KIRREL3: variants seen among roughly 807,000 people sequenced by gnomAD.
KIRREL3 encodes the protein kirre like nephrin family adhesion molecule 3.
Under a neutral mutation model 89.7 loss-of-function variants are expected in KIRREL3, and 36 were observed. The observed-to-expected ratio is 0.40, with a 90% CI of 0.31 to 0.53. KIRREL3 has a LOEUF of 0.53. Ranked by LOEUF, KIRREL3 falls within the 20% of genes least tolerant of loss-of-function variation. The probability of loss-of-function intolerance (pLI) is 0.49; values close to 1 mark genes in which losing one functional copy is unlikely to be tolerated. For synonymous variants in KIRREL3, 445 were observed against 441.4 expected, an observed-to-expected ratio of 1.01 and a Z score of -0.10; for missense variants, 864 against 1,056.6, an observed-to-expected ratio of 0.82 and a Z score of 2.53.
intron 1 of KIRREL3, among the ~76,000 whole-genome samples, chr11:126,789,288 C>T (rs1186414773): frequency 6.6e-6 from 1 of 152,152 alleles, no homozygotes; most frequent in Non-Finnish European, 1.5e-5. Flanking sequence ...TCTCCTTCGC[C>T]TTCTCAAGGA....
chr11:126,765,709 C>A (rs553482458), intron 1 of KIRREL3, among the ~76,000 whole-genome samples: 1 of 152,266 alleles, frequency 6.6e-6, no homozygotes, highest in African/African-American at 2.4e-5. Flanking sequence ...GGGGAAGCAA[C>A]CCCGCAACAA....
chr11:126,802,070 A>C lies in KIRREL3; in HGVS notation c.55+198385T>G, dbSNP rs571667572. ...ATTCCATAGGCAAATGATGCTGCCAAACAGTCATTTGTGGCTGTGAGGAAG... is the reference window on the plus strand; with the variant it reads ...ATTCCATAGGCAAATGATGCTGCCACACAGTCATTTGTGGCTGTGAGGAAG... On this transcript the variant is annotated intron_variant, in intron 1 of 16. Coordinates refer to ENST00000525144, the MANE Select transcript of KIRREL3 (RefSeq NM_032531.4). The surrounding 1 kb of genome is among the most constrained non-coding windows in gnomAD (Gnocchi z 5.2). 6.6e-6 allele frequency among the ~76,000 whole-genome samples: 1 copy of C among 152,310 alleles called. No individual in the cohort carries two copies. Among genetic ancestry groups the C allele is most frequent in the East Asian group, 1.9e-4 (1 of 5,170 alleles).
At chr11:126,426,326 A>G (rs1385640943) in intron 15 of KIRREL3, among the ~76,000 whole-genome samples, 2 of 152,204 alleles carry the variant, frequency 1.3e-5, no homozygotes, top group African/African-American at 4.8e-5. Context: ...TTCCTTAGAG[A>G]TGCCAAACAG....
At chr11:126,833,874 T>A (rs1031576808) in intron 1 of KIRREL3, among the ~76,000 whole-genome samples, 1 of 152,220 alleles carries the variant, frequency 6.6e-6, no homozygotes, top group African/African-American at 2.4e-5. Context: ...TCCAGATTTA[T>A]GAGGGAGAAT....
Position 126,605,308 on chromosome 11 carries a change from C to A in KIRREL3, c.56-42396G>T, listed in dbSNP as rs1161272283. Among the ~76,000 whole-genome samples, 1 of 152,168 alleles carries A rather than the reference C, an allele frequency of 6.6e-6. No homozygotes were observed. The highest frequency in any genetic ancestry group is 1.5e-5 in the Non-Finnish European group (1 of 68,036). On this transcript the variant is annotated intron_variant, in intron 1 of 16. Coordinates refer to ENST00000525144, the MANE Select transcript of KIRREL3 (RefSeq NM_032531.4). This position sits in a 1 kb window ranked among gnomAD's most constrained non-coding sequence, Gnocchi z 5.7. ...ATGTGCTGCACTTAATGTAGAGGAT[C>A]AGGGTCCCAGTGAGCAGCTTCATCT...
chr11:126,517,669 G>C (rs1302539623), intron 4 of KIRREL3, among the ~76,000 whole-genome samples: 1 of 152,196 alleles, frequency 6.6e-6, no homozygotes, highest in East Asian at 1.9e-4. Flanking sequence ...CGCCAATCTT[G>C]GTTCCAGGGA....
intron 1 of KIRREL3, among the ~76,000 whole-genome samples, chr11:126,753,911 T>C (rs1212157058): frequency 1.3e-5 from 2 of 152,202 alleles, no homozygotes; most frequent in Admixed American, 6.5e-5. Flanking sequence ...TTAATAAATA[T>C]GTATGCTGCC....
chr11:126,756,756 C>G (rs1411175525), intron 1 of KIRREL3, among the ~76,000 whole-genome samples: 2 of 152,232 alleles, frequency 1.3e-5, no homozygotes, highest in Admixed American at 6.5e-5. Flanking sequence ...TCCCAATGTG[C>G]CAGCACAGCT....
chr11:126,593,617 A>C (rs575847068), intron 1 of KIRREL3, among the ~76,000 whole-genome samples: 1 of 152,338 alleles, frequency 6.6e-6, no homozygotes, highest in South Asian at 2.1e-4. Context: ...GTTGCCCTGT[A>C]TGCATGAGAC....
intron 1 of KIRREL3, among the ~76,000 whole-genome samples, chr11:126,680,983 T>C (rs1010397039): frequency 2.0e-5 from 3 of 152,184 alleles, no homozygotes; most frequent in Admixed American, 6.5e-5. Context: ...TTTGCAAGGC[T>C]GAGAAATAAT....
intron 1 of KIRREL3, among the ~76,000 whole-genome samples, chr11:126,675,996 C>A (rs1343797754): frequency 6.6e-6 from 1 of 152,086 alleles, no homozygotes; most frequent in East Asian, 1.9e-4. Context: ...GTTTGAGAAG[C>A]TGGATGGATG....
chr11:126,798,800 C>T (rs1235630879), intron 1 of KIRREL3, among the ~76,000 whole-genome samples: 2 of 152,136 alleles, frequency 1.3e-5, no homozygotes, highest in Non-Finnish European at 2.9e-5. Flanking sequence ...ACTGAGGAGG[C>T]AAAATGCTAT....
Position 126,645,711 on chromosome 11 carries a change from C to T in KIRREL3, c.56-82799G>A, listed in dbSNP as rs1367420407. Among the ~76,000 whole-genome samples the T allele has an allele frequency of 3.3e-5, 5 of 152,188 alleles. No individual in the cohort carries two copies. Among genetic ancestry groups the T allele is most frequent in the Admixed American group, 6.5e-5 (1 of 15,278 alleles). ...CAGCTCTTCAGGGAACATTTCCCTG[C>T]CTCCCATTCTCCCTCGTTGTACTGA... On this transcript the variant is annotated intron_variant, in intron 1 of 16. Transcript: ENST00000525144. This position sits in a 1 kb window ranked among gnomAD's most constrained non-coding sequence, Gnocchi z 4.9.
At position 126,510,426 on chromosome 11, in the gene KIRREL3, TTCCTTC is replaced by T. The variant is rs1958180614; in HGVS notation, c.433+10883_433+10888del. Among the ~76,000 whole-genome samples, 4 of 48,824 alleles carry T rather than the reference TTCCTTC, an allele frequency of 8.2e-5. No homozygotes were observed. The East Asian group carries it at 5.9e-3, about 72-fold the overall frequency. 32.0% of individuals were successfully genotyped at this position (48,824 alleles called of 152,430 possible). The stretch of plus-strand genomic sequence containing the variant: ...AAATGTCCTCCCTGACGTTGTTTCC[TTCCTTC>T]CTTCCTTCCTTCCTTCCTTCCTTCC... On this transcript the variant is annotated intron_variant, in intron 4 of 16. Transcript: ENST00000525144.
chr11:126,425,837 C>T lies in KIRREL3; in HGVS notation c.1807-113G>A, dbSNP rs1456433379. ...GATTGCCCTGTATAACCCCCACCAC[C>T]CCTCACTGCCTGGACCATGTGAAAG... On this transcript the variant is annotated intron_variant, in intron 15 of 16. Transcript: ENST00000525144. 5 of 765,960 alleles carry T rather than the reference C, an allele frequency of 6.5e-6. No individual in the cohort carries two copies. The East Asian group carries it at 8.1e-5, about 12-fold the overall frequency. 47.4% of individuals were successfully genotyped at this position (765,960 alleles called of 1,614,324 possible). A position where few individuals can be genotyped will look rare whatever the true frequency, so the allele number is the denominator to read the frequency against.
At position 126,436,815 on chromosome 11, in the gene KIRREL3, C is replaced by T; in HGVS notation, c.1548G>A (p.Glu516=). Residue 516 remains glutamate, a synonymous_variant, in exon 12 of 17, where the codon GAG becomes GAA. Transcript: ENST00000525144. Reference sequence around the variant, plus strand: ...CATGGCCCTGGCAGCTCTCACCTTGCTCCTTGAGCCGGATGATCTCAGTGT... The same window carrying T: ...CATGGCCCTGGCAGCTCTCACCTTGTTCCTTGAGCCGGATGATCTCAGTGT... ...GSDTEIIRLK[E]QGSEMKSGAG... 1 of 1,613,524 alleles carries T rather than the reference C, an allele frequency of 6.2e-7. No homozygotes were observed. The highest frequency in any genetic ancestry group is 8.5e-7 in the Non-Finnish European group (1 of 1,179,868).
chr11:126,914,779 G>A (rs578026460), intron 1 of KIRREL3, among the ~76,000 whole-genome samples: 1 of 152,344 alleles, frequency 6.6e-6, no homozygotes, highest in South Asian at 2.1e-4. Context: ...ATTATGCAGA[G>A]CAAGTAACAC....
chr11:126,523,876 TC>T lies in KIRREL3; in HGVS notation c.284-2413del, dbSNP rs1282075478. Among the ~76,000 whole-genome samples the T allele has an allele frequency of 6.6e-6, 1 of 152,214 alleles. No individual in the cohort carries two copies. The highest frequency in any genetic ancestry group is 2.4e-5 in the African/African-American group (1 of 41,458). On this transcript the variant is annotated intron_variant, in intron 3 of 16. Transcript: ENST00000525144. This position sits in a 1 kb window ranked among gnomAD's most constrained non-coding sequence, Gnocchi z 4.9. ...AGCTATCAGCAGCAGGATTTTGCTC[TC>T]ACGAGCTGCTGAAAACATCAGTGAT...
At position 126,684,850 on chromosome 11, in the gene KIRREL3, C is replaced by T. The variant is rs540211865; in HGVS notation, c.56-121938G>A. The stretch of plus-strand genomic sequence containing the variant: ...GAGGTAGTGTTGGCTTGGACCACAG[C>T]GGGAGGGACCTGGGAAGAGGGAGAA... On this transcript the variant is annotated intron_variant, in intron 1 of 16. Transcript: ENST00000525144. The surrounding 1 kb of genome is among the most constrained non-coding windows in gnomAD (Gnocchi z 4.2). Among the ~76,000 whole-genome samples the T allele has an allele frequency of 3.9e-5, 6 of 152,204 alleles. No individual in the cohort carries two copies. The highest frequency in any genetic ancestry group is 3.9e-4 in the East Asian group (2 of 5,174).
Sources: allele counts gnomAD v4.1 joint callset (sites outside exome capture counted in the v4.1 genomes callset), GRCh38; gene constraint gnomAD v4.1.1; non-coding constraint Gnocchi (gnomAD v3.1); transcripts MANE v1.5; gene names NCBI Gene and HGNC (gene_info 2026-07-23, HGNC 2026-07-21).